The following ACOXL variants were observed in gnomAD, a reference collection of about 807,000 sequenced individuals.
ACOXL encodes acyl-CoA oxidase like, also known as acyl-coenzyme A oxidase-like protein.
ACOXL carries 70 observed loss-of-function variants against 71.9 expected under a neutral mutation model. The ratio of observed to expected loss-of-function variants is 0.97; its 90% CI spans 0.80 to 1.19. The LOEUF is 1.19. Ranked by LOEUF, ACOXL falls within the 50% of genes most tolerant of loss-of-function variation. ACOXL has a pLI of 0.00. For missense variants in ACOXL, 703 were observed against 736.3 expected, an observed-to-expected ratio of 0.95 and a Z score of 0.52; for synonymous variants, 253 against 281.6, an observed-to-expected ratio of 0.90 and a Z score of 1.02.
intron 9 of ACOXL, among the ~76,000 whole-genome samples, chr2:110,818,451 G>GTGTGTGTA (rs1373497384): frequency 5.9e-5 from 8 of 135,838 alleles, no homozygotes; most frequent in African/African-American, 2.2e-4. Flanking sequence ...GTGTGTGTGT[G>GTGTGTGTA]TATATATATA....
intron 16 of ACOXL, among the ~76,000 whole-genome samples, chr2:111,070,951 A>G (rs1242404065): frequency 2.0e-5 from 3 of 152,104 alleles, no homozygotes; most frequent in Admixed American, 2.0e-4. Flanking sequence ...AGGAAGAGAA[A>G]TAGTCACCCC....
intron 17 of ACOXL, chr2:111,113,085 C>T (rs796965719): frequency 3.3e-5 from 5 of 152,302 alleles, no homozygotes; most frequent in Admixed American, 1.3e-4. Context: ...AAGGGTCACA[C>T]GTCTGCCACA....
At chr2:110,805,495 G>A in intron 9 of ACOXL, 100 bp downstream of exon 9, 2 of 1,508,910 alleles carry the variant, frequency 1.3e-6, no homozygotes, top group Non-Finnish European at 1.8e-6. Context: ...AGCCACAGTT[G>A]GTATAATATG....
At chr2:111,014,991 T>A (rs899245149) in intron 14 of ACOXL, among the ~76,000 whole-genome samples, 7 of 152,186 alleles carry the variant, frequency 4.6e-5, no homozygotes, top group African/African-American at 1.7e-4. Context: ...GACTTCAATG[T>A]AAAAGGGAAA....
intron 10 of ACOXL, among the ~76,000 whole-genome samples, chr2:110,905,650 C>A (rs2059412552): frequency 2.0e-5 from 3 of 152,062 alleles, no homozygotes; most frequent in African/African-American, 7.2e-5. Context: ...GCTCCCTGGG[C>A]CAGCAGGTAA....
Position 110,874,355 on chromosome 2 carries a change from C to G in ACOXL, c.788+32950C>G, listed in dbSNP as rs533710027. Among the ~76,000 whole-genome samples the G allele has an allele frequency of 1.6e-4, 24 of 152,246 alleles. No homozygotes were observed. In the South Asian group the frequency reaches 3.1e-3, roughly 20 times the overall value. On this transcript the variant is annotated intron_variant, in intron 10 of 17. Coordinates refer to ENST00000439055, the MANE Select transcript of ACOXL (RefSeq NM_001142807.4). ...GCAAAATACGTCTCTCCCACCCCCA[C>G]CCCAGCCCCTGGTTTCCCTTCCAGC...
At chr2:110,749,425 G>A (rs1176148907) in intron 1 of ACOXL, among the ~76,000 whole-genome samples, 1 of 152,188 alleles carries the variant, frequency 6.6e-6, no homozygotes, top group Non-Finnish European at 1.5e-5. Flanking sequence ...TTGTCAAAAC[G>A]AAGACAGCAG....
At chr2:110,995,775 T>A in intron 13 of ACOXL, 118 bp from the exon 14 acceptor site, 2 of 685,812 alleles carry the variant, frequency 2.9e-6, no homozygotes, top group South Asian at 3.4e-5. Context: ...TTATGTCTAT[T>A]GACACTATTT....
At chr2:110,935,862 G>GA (rs1218820472) in intron 12 of ACOXL, among the ~76,000 whole-genome samples, 1 of 151,920 alleles carries the variant, frequency 6.6e-6, no homozygotes, top group Non-Finnish European at 1.5e-5. Context: ...TGGGGGTGGG[G>GA]GGTGCGGGGT....
At chr2:111,031,494 C>T in intron 14 of ACOXL, 133 bp from the exon 15 acceptor site, 1 of 726,008 alleles carries the variant, frequency 1.4e-6, no homozygotes, top group Non-Finnish European at 2.4e-6. Flanking sequence ...AGAGGCCAGC[C>T]TACAGAAGGT....
At chr2:110,999,713 C>G (rs910918291) in intron 14 of ACOXL, among the ~76,000 whole-genome samples, 3 of 152,144 alleles carry the variant, frequency 2.0e-5, no homozygotes, top group Admixed American at 1.3e-4. Context: ...TGGGCAAAAC[C>G]ATGTCATAAG....
intron 13 of ACOXL, 66 bp downstream of exon 13, chr2:110,987,283 G>A (rs1190305435): frequency 7.1e-7 from 1 of 1,416,496 alleles, no homozygotes; most frequent in African/African-American, 1.4e-5. Flanking sequence ...AGTTCATACA[G>A]CCTTGGCATA....
In ACOXL at chr2:110,908,799, T is replaced by G; in HGVS notation, c.799T>G (p.Phe267Val). The G allele has an allele frequency of 6.2e-7, 1 of 1,613,864 alleles. No homozygotes were observed. Among genetic ancestry groups the G allele is most frequent in the Non-Finnish European group, 8.5e-7 (1 of 1,179,872 alleles). Residue 267 changes from phenylalanine to valine, a missense_variant, in exon 11 of 18, where the codon TTT (phenylalanine) becomes GTT (valine). Phe to Val is a conservative substitution (Grantham distance 50). Coordinates refer to ENST00000439055, the MANE Select transcript of ACOXL (RefSeq NM_001142807.4). ...GTTGATTCCCTCTAGCCGGAGGCAG[T>G]TTGGGCCCAAAACCAAGGAAGAGGT... ...AIRYSHSRRQ[F>V]GPKTKEEVKI...
intron 10 of ACOXL, among the ~76,000 whole-genome samples, chr2:110,858,350 C>A (rs570934652): frequency 1.2e-4 from 18 of 152,198 alleles, no homozygotes; most frequent in African/African-American, 4.3e-4. Flanking sequence ...CTTCCTACTC[C>A]CCGAGACAGA....
chr2:111,093,218 G>A (rs1044257631), intron 17 of ACOXL, among the ~76,000 whole-genome samples: 1 of 132,034 alleles, frequency 7.6e-6, no homozygotes, highest in African/African-American at 2.9e-5. Context: ...TGTTTTCCTT[G>A]TCTTGGCCAA....
In ACOXL at chr2:110,813,681, C is replaced by T. The variant is rs547418831; in HGVS notation, c.753+8286C>T. Among the ~76,000 whole-genome samples, 5 of 152,300 alleles carry T rather than the reference C, an allele frequency of 3.3e-5. No individual in the cohort carries two copies. In the South Asian group the frequency reaches 1.0e-3, roughly 32 times the overall value. The stretch of plus-strand genomic sequence containing the variant: ...CTTGTACAGGTTACTGTCCTTTTCC[C>T]TCACTCCACAGCTCATTGCTCCATT... On this transcript the variant is annotated intron_variant, in intron 9 of 17. Coordinates refer to ENST00000439055, the MANE Select transcript of ACOXL (RefSeq NM_001142807.4).
intron 9 of ACOXL, among the ~76,000 whole-genome samples, chr2:110,811,532 C>T (rs1316667235): frequency 1.3e-5 from 2 of 152,218 alleles, no homozygotes; most frequent in Admixed American, 6.5e-5. Flanking sequence ...GACCGATGCT[C>T]ATTCTGTTGA....
chr2:111,028,525 T>C (rs1033745889), intron 14 of ACOXL, among the ~76,000 whole-genome samples: 2 of 142,098 alleles, frequency 1.4e-5, no homozygotes, highest in African/African-American at 5.3e-5. Flanking sequence ...ATCTCCATTT[T>C]GGTGTTGAAA....
intron 10 of ACOXL, among the ~76,000 whole-genome samples, chr2:110,854,446 C>T (rs1430658808): frequency 6.7e-6 from 1 of 148,712 alleles, no homozygotes; most frequent in Admixed American, 6.8e-5. Context: ...AAGTGTGTCA[C>T]CAACACCACC....
Sources: gnomAD v4.1 joint callset for allele counts (sites outside exome capture counted in the v4.1 genomes callset) on GRCh38, gnomAD v4.1.1 for gene constraint, MANE v1.5 for transcripts, NCBI Gene and HGNC (gene_info 2026-07-23, HGNC 2026-07-21) for gene names.